The following EBF3 variants were observed in gnomAD, a reference collection of about 807,000 sequenced individuals.
EBF3 encodes transcription factor COE3.
In EBF3, 18 loss-of-function variants were observed where a neutral mutation model predicts 77.1. That is an observed-to-expected ratio of 0.23 (90% confidence interval 0.16 to 0.35). The LOEUF is 0.35. EBF3 is among the 10% of genes least tolerant of loss of function. The pLI is 1.00. For missense variants in EBF3, 558 were observed against 860.0 expected (o/e 0.65, Z 4.39); for synonymous variants, 350 against 343.5 (o/e 1.02, Z -0.21).
In EBF3 at chr10:129,864,624, T is replaced by C. The variant is rs1417411717; in HGVS notation, c.1039+2517A>G. The stretch of plus-strand genomic sequence containing the variant: ...CATCCGGGATGGGCTGACAGTCCAG[T>C]GTAAGAACAGGGGGCTTATTCATCC... On this transcript the variant is annotated intron_variant, in intron 10 of 16. Transcript: ENST00000440978. This position sits in a 1 kb window ranked among gnomAD's most constrained non-coding sequence, Gnocchi z 4.4. 6.6e-6 allele frequency among the ~76,000 whole-genome samples: 1 copy of C among 152,340 alleles called. No individual in the cohort carries two copies. Among genetic ancestry groups the C allele is most frequent in the East Asian group, 1.9e-4 (1 of 5,176 alleles).
At chr10:129,858,515 C>T (rs1307448006) in intron 10 of EBF3, among the ~76,000 whole-genome samples, 2 of 152,200 alleles carry the variant, frequency 1.3e-5, no homozygotes, top group Non-Finnish European at 2.9e-5. Context: ...AGGAAAAACA[C>T]CAAGTGGGTC....
intron 6 of EBF3, among the ~76,000 whole-genome samples, chr10:129,940,957 G>T (rs1286892118): frequency 6.6e-6 from 1 of 152,174 alleles, no homozygotes; most frequent in Non-Finnish European, 1.5e-5. Flanking sequence ...GGACTGCCTG[G>T]CCGTGGAGCA....
chr10:129,953,565 C>G (rs985382138), intron 6 of EBF3, among the ~76,000 whole-genome samples: 15 of 152,202 alleles, frequency 9.9e-5, no homozygotes, highest in Non-Finnish European at 1.5e-4. Flanking sequence ...CACCGCCTGC[C>G]GCAGAGATGC....
At chr10:129,872,376 C>A (rs1005957773) in intron 8 of EBF3, among the ~76,000 whole-genome samples, 1 of 151,930 alleles carries the variant, frequency 6.6e-6, no homozygotes, top group Non-Finnish European at 1.5e-5. Flanking sequence ...ATACCTTAGT[C>A]ATTAATGTAG....
intron 4 of EBF3, 124 bp from the exon 5 acceptor site, chr10:129,959,131 C>T: frequency 1.7e-6 from 2 of 1,199,250 alleles, no homozygotes; most frequent in Non-Finnish European, 2.4e-6. Flanking sequence ...GCGATGCGCC[C>T]CCCTCCCTCG....
At chr10:129,898,325 G>A (rs762230825) in intron 6 of EBF3, among the ~76,000 whole-genome samples, 2 of 152,302 alleles carry the variant, frequency 1.3e-5, no homozygotes, top group African/African-American at 4.8e-5. Context: ...CCGGGTTTAC[G>A]GGGTTCACCC....
chr10:129,936,095 T>C (rs1255848856), intron 6 of EBF3, among the ~76,000 whole-genome samples: 1 of 152,214 alleles, frequency 6.6e-6, no homozygotes, highest in Non-Finnish European at 1.5e-5. Flanking sequence ...CTGCAATTAT[T>C]AAATTATAGA....
chr10:129,919,144 A>G (rs1856095436), intron 6 of EBF3, among the ~76,000 whole-genome samples: 1 of 152,224 alleles, frequency 6.6e-6, no homozygotes, highest in Non-Finnish European at 1.5e-5. Flanking sequence ...AGACCAAGCC[A>G]TGAGTTCTGG....
intron 14 of EBF3, 144 bp from the exon 15 acceptor site, chr10:129,840,586 A>G (rs1849961698): frequency 2.0e-6 from 2 of 1,024,882 alleles, no homozygotes; most frequent in Non-Finnish European, 2.8e-6. Context: ...GCTCTGGATA[A>G]CAGGCAAGCT....
At chr10:129,869,988 T>C (rs1035460841) in intron 8 of EBF3, among the ~76,000 whole-genome samples, 1 of 43,942 alleles carries the variant, frequency 2.3e-5, no homozygotes, top group Non-Finnish European at 5.6e-5. Context: ...TGGCAAATAA[T>C]TCACAAAAAA....
chr10:129,923,918 A>G (rs990595549), intron 6 of EBF3, among the ~76,000 whole-genome samples: 1 of 152,248 alleles, frequency 6.6e-6, no homozygotes, highest in Non-Finnish European at 1.5e-5. Flanking sequence ...TCCAGAATAT[A>G]GAGAGAACTC....
At chr10:129,945,260 C>G (rs1191696491) in intron 6 of EBF3, among the ~76,000 whole-genome samples, 1 of 151,884 alleles carries the variant, frequency 6.6e-6, no homozygotes. Flanking sequence ...AATGGCAAAG[C>G]ACTCCAAAAC....
chr10:129,895,969 C>T (rs1311372285), intron 6 of EBF3, among the ~76,000 whole-genome samples: 1 of 152,206 alleles, frequency 6.6e-6, no homozygotes, highest in Non-Finnish European at 1.5e-5. Flanking sequence ...GGAAGAAATG[C>T]TGTACAGGTT....
At chr10:129,862,064 G>A (rs530147212) in intron 10 of EBF3, among the ~76,000 whole-genome samples, 10 of 152,254 alleles carry the variant, frequency 6.6e-5, no homozygotes, top group Admixed American at 2.6e-4. Flanking sequence ...CAGGAGACAC[G>A]GGAGAAACCC....
intron 15 of EBF3, among the ~76,000 whole-genome samples, chr10:129,839,434 G>A (rs764978545): frequency 2.4e-4 from 36 of 152,234 alleles, no homozygotes; most frequent in Non-Finnish European, 2.6e-4. Flanking sequence ...CACAGGCCAC[G>A]TGCAGCCTGC....
Position 129,841,982 on chromosome 10 carries a change from A to G in EBF3, c.1372+134T>C. 1.7e-6 allele frequency: 2 copies of G among 1,179,872 alleles called. No homozygotes were observed. The highest frequency in any genetic ancestry group is 2.4e-6 in the Non-Finnish European group (2 of 847,902). The allele number at this position is 1,179,872 out of a possible 1,614,324, so 73.1% of individuals were successfully genotyped here. On this transcript the variant is annotated intron_variant, in intron 13 of 16. Transcript: ENST00000440978. The surrounding 1 kb of genome is among the most constrained non-coding windows in gnomAD (Gnocchi z 4.6). Reference sequence around the variant, plus strand: ...CAGCAAGGTCTTCCTGAGCAAAGGAACCAGCAGAGCCAGAGAGAACAGAAC... The same window carrying G: ...CAGCAAGGTCTTCCTGAGCAAAGGAGCCAGCAGAGCCAGAGAGAACAGAAC...
rs760791977 is a variant in EBF3, at chr10:129,943,330, GCC to G, written c.554+13926_554+13927del. On this transcript the variant is annotated intron_variant, in intron 6 of 16. Coordinates refer to ENST00000440978, the MANE Select transcript of EBF3 (RefSeq NM_001375380.1). This position sits in a 1 kb window ranked among gnomAD's most constrained non-coding sequence, Gnocchi z 8.8. ...ACAGTTAAAGAAGCAAATTGGATTT[GCC>G]CTATCACAAAAAAAATTAATTCCAG... is the stretch of plus-strand genomic sequence containing the variant. 2.0e-5 allele frequency among the ~76,000 whole-genome samples: 3 copies of G among 152,122 alleles called. No individual in the cohort carries two copies. Among genetic ancestry groups the G allele is most frequent in the Non-Finnish European group, 2.9e-5 (2 of 68,040 alleles).
intron 6 of EBF3, among the ~76,000 whole-genome samples, chr10:129,923,993 AAAG>A (rs1167345258): frequency 6.6e-6 from 1 of 152,228 alleles, no homozygotes; most frequent in Non-Finnish European, 1.5e-5. Flanking sequence ...CCGTTTGCCC[AAAG>A]AAGACATACA....
intron 6 of EBF3, among the ~76,000 whole-genome samples, chr10:129,902,230 ATTT>A (rs34324443): frequency 7.0e-6 from 1 of 142,250 alleles, no homozygotes; most frequent in African/African-American, 2.6e-5. Flanking sequence ...ACTTCCAGAC[ATTT>A]TTTTTTTTTT....
Sources: allele counts gnomAD v4.1 joint callset (sites outside exome capture counted in the v4.1 genomes callset), GRCh38; gene constraint gnomAD v4.1.1; non-coding constraint Gnocchi (gnomAD v3.1); transcripts MANE v1.5; gene names NCBI Gene and HGNC (gene_info 2026-07-23, HGNC 2026-07-21).